The following NMD3 variants were observed in gnomAD, a reference collection of about 807,000 sequenced individuals.
NMD3 encodes NMD3 ribosome export adaptor.
Under a neutral mutation model 73.1 loss-of-function variants are expected in NMD3, and 47 were observed. The observed-to-expected ratio is 0.64, with a 90% confidence interval of 0.51 to 0.82. The LOEUF (loss-of-function observed/expected upper bound fraction) is 0.82, where lower values mean the gene tolerates loss of function less well. Ranked by LOEUF, NMD3 falls within the 40% of genes least tolerant of loss-of-function variation. NMD3 has a pLI of 0.00. For missense variants in NMD3, 554 were observed against 612.5 expected, an observed-to-expected ratio of 0.90 and a Z score of 1.01; for synonymous variants, 210 against 194.5, an observed-to-expected ratio of 1.08 and a Z score of -0.66.
At chr3:161,231,613 A>T (rs942432191) in intron 4 of NMD3, among the ~76,000 whole-genome samples, 1 of 152,208 alleles carries the variant, frequency 6.6e-6, no homozygotes, top group African/African-American at 2.4e-5. Flanking sequence ...ATGACTTTAG[A>T]CTTAGAGCTG....
At position 161,246,529 on chromosome 3, in the gene NMD3, T is replaced by C. The variant is rs187838639; in HGVS notation, c.1130+81T>C. ...AACCAGCAAAACTACCTAAAAATAC[T>C]AACATTGTTTATTCTAAAAAGATCG... is the stretch of plus-strand genomic sequence containing the variant. On this transcript the variant is annotated intron_variant, in intron 12 of 15. Transcript: ENST00000351193. The C allele has an allele frequency of 1.3e-3, 696 of 534,526 alleles. 9 individuals carry two copies. The East Asian group carries it at 0.019, about 14-fold the overall frequency. The allele number at this position is 534,526 out of a possible 1,614,324, so 33.1% of individuals were successfully genotyped here.
intron 7 of NMD3, among the ~76,000 whole-genome samples, chr3:161,236,062 T>A (rs1207236845): frequency 3.3e-5 from 5 of 152,144 alleles, no homozygotes; most frequent in Non-Finnish European, 1.5e-5. Context: ...AGTTTATTTT[T>A]AATTTCTAAT....
At chr3:161,227,708 A>G (rs529752775) in intron 4 of NMD3, among the ~76,000 whole-genome samples, 14 of 152,110 alleles carry the variant, frequency 9.2e-5, no homozygotes, top group African/African-American at 2.7e-4. Context: ...CGGCCTCCCA[A>G]AGTGCTGGGA....
Position 161,250,884 on chromosome 3 carries a change from G to A in NMD3, c.1486G>A (p.Glu496Lys), listed in dbSNP as rs1359590879. Reference protein sequence around the residue: ...DLHISQDATGEEGASMLT With the variant: ...DLHISQDATGKEGASMLT ...TCATATTTCCCAAGATGCCACTGGT[G>A]AAGAAGGTGCATCAATGCTGACATA... Residue 496 changes from glutamate to lysine, a missense_variant, in exon 16 of 16, where the codon GAA becomes AAA. Physicochemically the swap from Glu to Lys is moderately conservative, Grantham distance 56 (BLOSUM62 1). Transcript: ENST00000351193. The A allele has an allele frequency of 6.2e-7, 1 of 1,612,152 alleles. No individual in the cohort carries two copies. Among genetic ancestry groups the A allele is most frequent in the Non-Finnish European group, 8.5e-7 (1 of 1,178,692 alleles).
chr3:161,223,090 A>G (rs569428723), intron 2 of NMD3: 1 of 152,374 alleles, frequency 6.6e-6, no homozygotes, highest in East Asian at 1.9e-4. Context: ...TTCCCTCCGG[A>G]CAACCAGCAC....
At chr3:161,242,690 C>T (rs748120098) in intron 11 of NMD3, 37 bp downstream of exon 11, 895 of 1,567,856 alleles carry the variant, frequency 5.7e-4, no homozygotes, top group Non-Finnish European at 7.4e-4. Context: ...ATTTTTTTTT[C>T]CCCTCAGTTA....
intron 3 of NMD3, among the ~76,000 whole-genome samples, 198 bp from the exon 4 acceptor site, chr3:161,227,049 A>G (rs150903586): frequency 1.4e-3 from 217 of 152,286 alleles, no homozygotes; most frequent in South Asian, 9.1e-3. Flanking sequence ...CTCAGTCAGA[A>G]TTTTACCTTT....
rs539882134 is a variant in NMD3, at chr3:161,221,916, A to G, written c.-20-78A>G. The G allele has an allele frequency of 1.8e-4, 164 of 920,350 alleles. 1 individual carries two copies. In the African/African-American group the frequency reaches 2.7e-3, roughly 15 times the overall value. The allele number at this position is 920,350 out of a possible 1,614,324, so 57.0% of individuals were successfully genotyped here. On this transcript the variant is annotated intron_variant, in intron 1 of 15. Transcript: ENST00000351193. ...TTCAGAGAGACTGGAGGAAGACGTAAAAAGAGGAGACTAGGTAAAGTGATT... is the reference window on the plus strand; with the variant it reads ...TTCAGAGAGACTGGAGGAAGACGTAGAAAGAGGAGACTAGGTAAAGTGATT...
chr3:161,224,689 GTTGGCGAGGCTGGTC>G (rs1224528111), intron 2 of NMD3, among the ~76,000 whole-genome samples: 1 of 151,982 alleles, frequency 6.6e-6, no homozygotes, highest in Admixed American at 6.5e-5. Flanking sequence ...GTTTCACCAT[GTTGGCGAGGCTGGTC>G]TTGAACTCCT....
chr3:161,248,623 C>T (rs1017157708), intron 13 of NMD3, among the ~76,000 whole-genome samples: 1 of 152,038 alleles, frequency 6.6e-6, no homozygotes, highest in African/African-American at 2.4e-5. Context: ...GGCTGTTATT[C>T]AAAGCTGAAT....
chr3:161,247,771 A>G (rs1737285026), intron 13 of NMD3, among the ~76,000 whole-genome samples: 1 of 146,866 alleles, frequency 6.8e-6, no homozygotes, highest in South Asian at 2.3e-4. Context: ...GCTGGGCAAC[A>G]AGAACAAAAC....
chr3:161,244,061 C>G (rs1737096803), intron 11 of NMD3, among the ~76,000 whole-genome samples: 1 of 152,148 alleles, frequency 6.6e-6, no homozygotes, highest in Admixed American at 6.5e-5. Context: ...AGCTGTCATT[C>G]TTAAAGAAGA....
intron 10 of NMD3, 60 bp from the exon 11 acceptor site, chr3:161,242,448 C>A: frequency 6.8e-7 from 1 of 1,476,244 alleles, no homozygotes; most frequent in African/African-American, 1.4e-5. Context: ...TTAGTTAATA[C>A]ATTTGATAAT....
At chr3:161,232,651 A>G (rs1736586874) in intron 4 of NMD3, among the ~76,000 whole-genome samples, 1 of 152,138 alleles carries the variant, frequency 6.6e-6, no homozygotes, top group South Asian at 2.1e-4. Context: ...TAAATCTTAC[A>G]GATTTTTTTT....
chr3:161,231,869 G>A (rs948400209), intron 4 of NMD3, among the ~76,000 whole-genome samples: 5 of 152,104 alleles, frequency 3.3e-5, no homozygotes, highest in Non-Finnish European at 7.4e-5. Context: ...TTTAGGATTC[G>A]GGGAGGAGTG....
intron 11 of NMD3, among the ~76,000 whole-genome samples, chr3:161,244,160 T>C (rs1434294300): frequency 6.6e-6 from 1 of 152,216 alleles, no homozygotes; most frequent in Non-Finnish European, 1.5e-5. Context: ...AGACATGATC[T>C]TGCCGTGTTG....
At chr3:161,243,963 G>C (rs574311819) in intron 11 of NMD3, among the ~76,000 whole-genome samples, 2 of 151,700 alleles carry the variant, frequency 1.3e-5, no homozygotes, top group South Asian at 4.2e-4. Flanking sequence ...TCTGGCTTTA[G>C]CATCTGTTGA....
intron 5 of NMD3, among the ~76,000 whole-genome samples, chr3:161,234,422 C>T (rs558645185): frequency 7.0e-6 from 1 of 141,954 alleles, no homozygotes; most frequent in African/African-American, 2.7e-5. Flanking sequence ...CAGAGTGAGA[C>T]CCTGTCTCAA....
rs149231919 is a variant in NMD3, at chr3:161,233,403, G to A, written c.281G>A (p.Arg94Gln). 2.7e-5 allele frequency: 44 copies of A among 1,607,316 alleles called. No individual in the cohort carries two copies. The highest frequency in any genetic ancestry group is 1.3e-4 in the African/African-American group (10 of 74,658). The change falls in exon 5 of 16, where the codon CGG becomes CAG. Residue 94 changes from arginine to glutamine, a missense_variant. Transcript: ENST00000351193. ...KKIKAPLSKV[R>Q]LVDAGFVWTE... The stretch of plus-strand genomic sequence containing the variant: ...TTTGTTTGTGTTTTATTGAAGGTAC[G>A]GCTTGTAGATGCAGGCTTTGTTTGG...
Sources: gnomAD v4.1 joint callset for allele counts (sites outside exome capture counted in the v4.1 genomes callset) on GRCh38, gnomAD v4.1.1 for gene constraint, MANE v1.5 for transcripts, NCBI Gene and HGNC (gene_info 2026-07-23, HGNC 2026-07-21) for gene names.